The following MAST4 variants were observed in gnomAD, a reference collection of about 807,000 sequenced individuals.
MAST4 encodes the protein microtubule-associated serine/threonine-protein kinase 4.
MAST4 carries 89 observed loss-of-function variants against 162.7 expected under a neutral mutation model. That is an observed-to-expected ratio of 0.55 (90% CI 0.46 to 0.65). The LOEUF is 0.65. Among genes scored for constraint, MAST4 ranks in the 30% least tolerant of loss-of-function variants. The pLI is 0.00. For missense variants in MAST4, 3,153 were observed against 3,374.0 expected (o/e 0.93, Z 1.62); for synonymous variants, 1,479 against 1,361.1 (o/e 1.09, Z -1.91).
intron 1 of MAST4, among the ~76,000 whole-genome samples, chr5:66,652,783 G>A (rs1355265004): frequency 1.3e-5 from 2 of 152,090 alleles, no homozygotes; most frequent in Non-Finnish European, 2.9e-5. Context: ...TGGAGTTTGG[G>A]CATAAATAAT....
At chr5:66,718,918 G>A (rs1297512850) in intron 1 of MAST4, among the ~76,000 whole-genome samples, 1 of 152,160 alleles carries the variant, frequency 6.6e-6, no homozygotes, top group African/African-American at 2.4e-5. Context: ...TAATAGCTTT[G>A]TAAATTCACA....
chr5:66,886,588 A>G (rs1417674835), intron 3 of MAST4, among the ~76,000 whole-genome samples: 1 of 151,526 alleles, frequency 6.6e-6, no homozygotes, highest in Non-Finnish European at 1.5e-5. Flanking sequence ...GTCCAGAATC[A>G]ACTATCAGTT....
chr5:66,876,087 A>T (rs535753818), intron 3 of MAST4, among the ~76,000 whole-genome samples: 50 of 152,274 alleles, frequency 3.3e-4, no homozygotes, highest in African/African-American at 1.2e-3. Context: ...TATACTTTTT[A>T]AAAAAATGCT....
intron 3 of MAST4, 46 bp downstream of exon 3, chr5:66,788,840 T>C: frequency 1.3e-6 from 2 of 1,502,042 alleles, no homozygotes; most frequent in Non-Finnish European, 1.8e-6. Context: ...GCTCACCACC[T>C]CTCTAGGGAC....
intron 26 of MAST4, among the ~76,000 whole-genome samples, chr5:67,154,172 A>C (rs147383565): frequency 2.0e-5 from 3 of 152,372 alleles, no homozygotes; most frequent in East Asian, 1.9e-4. Flanking sequence ...TGGAGTAAGA[A>C]GGTCACAGGA....
chr5:66,897,536 A>G (rs992954751), intron 3 of MAST4, among the ~76,000 whole-genome samples: 1 of 152,244 alleles, frequency 6.6e-6, no homozygotes, highest in Non-Finnish European at 1.5e-5. Context: ...GGTCTTGGCC[A>G]CAGCACATTC....
At chr5:66,839,666 G>T (rs1424654581) in intron 3 of MAST4, among the ~76,000 whole-genome samples, 3 of 152,046 alleles carry the variant, frequency 2.0e-5, no homozygotes, top group Admixed American at 1.3e-4. Flanking sequence ...TTGAAAGGCA[G>T]AATGAAACAT....
intron 4 of MAST4, among the ~76,000 whole-genome samples, chr5:66,969,495 A>T (rs901063081): frequency 3.3e-5 from 5 of 152,242 alleles, no homozygotes; most frequent in East Asian, 1.9e-4. Context: ...AGAATGGAGC[A>T]TATGGTGGTC....
intron 1 of MAST4, among the ~76,000 whole-genome samples, chr5:66,751,590 G>A (rs1024085520): frequency 6.6e-6 from 1 of 151,544 alleles, no homozygotes; most frequent in African/African-American, 2.4e-5. Flanking sequence ...GGGAAGTTTA[G>A]AGAAAAAAGA....
intron 3 of MAST4, among the ~76,000 whole-genome samples, chr5:66,850,430 T>C (rs1259134892): frequency 6.6e-6 from 1 of 152,222 alleles, no homozygotes; most frequent in African/African-American, 2.4e-5. Context: ...AGTTCTTCTG[T>C]GTGGCCACAT....
At chr5:66,975,603 G>A (rs574963309) in intron 4 of MAST4, among the ~76,000 whole-genome samples, 1 of 152,172 alleles carries the variant, frequency 6.6e-6, no homozygotes, top group Admixed American at 6.5e-5. Flanking sequence ...TGTGTGTAAG[G>A]TAGAAACACA....
intron 5 of MAST4, among the ~76,000 whole-genome samples, chr5:67,086,479 T>C (rs1001539707): frequency 3.9e-5 from 6 of 152,220 alleles, no homozygotes; most frequent in Admixed American, 2.0e-4. Context: ...CTACACTGTT[T>C]ATGTATTAGC....
At chr5:67,128,386 T>C (rs1349576032) in intron 14 of MAST4, among the ~76,000 whole-genome samples, 1 of 152,072 alleles carries the variant, frequency 6.6e-6, no homozygotes, top group African/African-American at 2.4e-5. Flanking sequence ...GATCATTCGG[T>C]GCATTGATTA....
intron 14 of MAST4, among the ~76,000 whole-genome samples, chr5:67,127,964 A>G (rs1482874216): frequency 6.6e-6 from 1 of 152,198 alleles, no homozygotes; most frequent in African/African-American, 2.4e-5. Flanking sequence ...GACTTACAAT[A>G]TATTGTTTCT....
At chr5:66,987,116 G>GT (rs372566335) in intron 4 of MAST4, among the ~76,000 whole-genome samples, 3,679 of 151,398 alleles carry the variant, frequency 0.024, 62 homozygotes, top group Middle Eastern at 0.044. Context: ...TTTAGCTGAG[G>GT]TTTTTTTTTA....
At chr5:66,979,300 T>G (rs1748500279) in intron 4 of MAST4, among the ~76,000 whole-genome samples, 1 of 152,082 alleles carries the variant, frequency 6.6e-6, no homozygotes, top group African/African-American at 2.4e-5. Flanking sequence ...TGAGTCCTCT[T>G]TAAAATTGTG....
chr5:66,825,328 A>C (rs1037909270), intron 3 of MAST4, among the ~76,000 whole-genome samples: 23 of 151,000 alleles, frequency 1.5e-4, no homozygotes, highest in African/African-American at 5.6e-4. Flanking sequence ...CTAGTCCTAC[A>C]CAGAGTCAGG....
chr5:66,947,106 G>A lies in MAST4; in HGVS notation c.674+47124G>A, dbSNP rs144962380. ...AAGTATGTGAGTAAATTCTCTTAGGGACAGTCAATGTGAGAGTATTTTATT... is the reference window on the plus strand; with the variant it reads ...AAGTATGTGAGTAAATTCTCTTAGGAACAGTCAATGTGAGAGTATTTTATT... On this transcript the variant is annotated intron_variant, in intron 4 of 28. Coordinates refer to ENST00000403625, the MANE Select transcript of MAST4 (RefSeq NM_001164664.2). Among the ~76,000 whole-genome samples, 330 of 152,228 alleles carry A rather than the reference G, an allele frequency of 2.2e-3. 1 individual carries two copies. Among genetic ancestry groups the A allele is most frequent in the African/African-American group, 7.4e-3 (309 of 41,542 alleles).
chr5:66,625,762 A>G (rs1187924200), intron 1 of MAST4, among the ~76,000 whole-genome samples: 1 of 152,220 alleles, frequency 6.6e-6, no homozygotes, highest in East Asian at 1.9e-4. Context: ...AGGAAGCACC[A>G]TAGGGCCCAG....
Sources: gnomAD v4.1 joint callset for allele counts (sites outside exome capture counted in the v4.1 genomes callset) on GRCh38, gnomAD v4.1.1 for gene constraint, MANE v1.5 for transcripts, NCBI Gene and HGNC (gene_info 2026-07-23, HGNC 2026-07-21) for gene names.